Variants in ARHGAP29 observed in about 807,000 individuals in gnomAD.
The protein encoded by ARHGAP29 is rho GTPase-activating protein 29.
Under a neutral mutation model 122.6 loss-of-function variants are expected in ARHGAP29, and 43 were observed. That is an observed-to-expected ratio of 0.35 (90% CI 0.27 to 0.45). The LOEUF (loss-of-function observed/expected upper bound fraction) is 0.45. Among genes scored for constraint, ARHGAP29 ranks in the 20% least tolerant of loss-of-function variants. The pLI is 1.00. For missense variants in ARHGAP29, 1,303 were observed against 1,477.2 expected (o/e 0.88, Z 1.93); for synonymous variants, 506 against 497.1 (o/e 1.02, Z -0.24).
At chr1:94,262,632 G>A (rs1000094539) in intron 1 of ARHGAP29, among the ~76,000 whole-genome samples, 6 of 151,982 alleles carry the variant, frequency 3.9e-5, no homozygotes, top group Admixed American at 1.3e-4. Flanking sequence ...ACATGCAGCC[G>A]ATAAGTATAT....
rs774552297 is a variant in ARHGAP29, at chr1:94,267,205, C to A, written c.-33+7807G>T. On this transcript the variant is annotated intron_variant and NMD_transcript_variant, in intron 1 of 25. Coordinates refer to the ARHGAP29 transcript ENST00000552844. ...GGACTGTTAAAGTAGAAAACTGGGA[C>A]CTTATGGGGCCATCTTAGCTCCTCA... Among the ~76,000 whole-genome samples the A allele has an allele frequency of 1.9e-4, 29 of 152,168 alleles. 1 individual carries two copies. The highest frequency in any genetic ancestry group is 6.5e-5 in the Admixed American group (1 of 15,276).
the ARHGAP29 span, among the ~76,000 whole-genome samples, chr1:94,305,300 A>G: frequency 7.9e-5 from 12 of 152,188 alleles, no homozygotes; most frequent in Non-Finnish European, 1.3e-4. Context: ...TTGTGTGCCA[A>G]TCCTGAGTGG....
chr1:94,198,412 A>G (rs1203599209), intron 12 of ARHGAP29, among the ~76,000 whole-genome samples: 3 of 152,184 alleles, frequency 2.0e-5, no homozygotes, highest in African/African-American at 7.2e-5. Context: ...GTGAGGCTGC[A>G]GTGAGCTATG....
At chr1:94,196,250 G>GTTTTTCT (rs1650447536) in intron 12 of ARHGAP29, among the ~76,000 whole-genome samples, 1 of 39,094 alleles carries the variant, frequency 2.6e-5, no homozygotes, top group Admixed American at 3.7e-4. Flanking sequence ...ATTTTTCCGT[G>GTTTTTCT]TTTTTCTTTT....
chr1:94,188,765 T>C (rs1649959228), intron 15 of ARHGAP29, 72 bp downstream of exon 15: 8 of 1,206,686 alleles, frequency 6.6e-6, no homozygotes, highest in Non-Finnish European at 3.6e-6. Flanking sequence ...AAAAACAAGG[T>C]AGTTAAAAAA....
At chr1:94,209,374 T>C (rs763964283) in intron 3 of ARHGAP29, 24 bp from the exon 4 acceptor site, 1 of 1,483,394 alleles carries the variant, frequency 6.7e-7, no homozygotes, top group Non-Finnish European at 9.2e-7. Flanking sequence ...TTGGTTACAA[T>C]AAGGAAAAAC....
rs1244249424 is a variant in ARHGAP29, at chr1:94,188,898, A to G, written c.1620T>C (p.Asp540=). The G allele has an allele frequency of 9.9e-6, 16 of 1,613,250 alleles. No individual in the cohort carries two copies. The highest frequency in any genetic ancestry group is 1.3e-5 in the Non-Finnish European group (15 of 1,179,360). The change falls in exon 15 of 23, where the codon GAT becomes GAC. Residue 540 remains aspartate (D), a synonymous_variant. Coordinates refer to ENST00000260526, the MANE Select transcript of ARHGAP29 (RefSeq NM_004815.4). ...CGCTGCTCCCTCCAGTGCTCTCAGA[A>G]TCACTAAACATCCCAAATGTCCATG... ...IRSWTFGMFS[D]SESTGGSSES...
intron 1 of ARHGAP29, among the ~76,000 whole-genome samples, chr1:94,237,163 G>A (rs1021448043): frequency 5.3e-5 from 8 of 152,302 alleles, no homozygotes; most frequent in African/African-American, 1.7e-4. Context: ...CCCGGCCACC[G>A]CTGGCGTCCT....
chr1:94,180,341 A>C (rs1450414363), intron 19 of ARHGAP29, among the ~76,000 whole-genome samples: 2 of 152,238 alleles, frequency 1.3e-5, no homozygotes, highest in African/African-American at 4.8e-5. Flanking sequence ...AAATTAGTTA[A>C]AAAGGTGAAT....
chr1:94,292,350 C>T, the ARHGAP29 span, among the ~76,000 whole-genome samples: 2 of 152,174 alleles, frequency 1.3e-5, no homozygotes, highest in Non-Finnish European at 1.5e-5. Context: ...GTTAGCCATT[C>T]GTCTAACCTT....
chr1:94,225,040 A>C (rs1377193915), intron 2 of ARHGAP29, among the ~76,000 whole-genome samples: 1 of 152,212 alleles, frequency 6.6e-6, no homozygotes, highest in Non-Finnish European at 1.5e-5. Flanking sequence ...ACAAAGGTTC[A>C]TAAACTTTTC....
chr1:94,211,305 A>ACAAAAAC (rs1553208388), intron 3 of ARHGAP29, among the ~76,000 whole-genome samples: 10 of 144,634 alleles, frequency 6.9e-5, no homozygotes, highest in South Asian at 2.2e-4. Context: ...AAAAAAAAAA[A>ACAAAAAC]AAAAAAAAGG....
intron 3 of ARHGAP29, among the ~76,000 whole-genome samples, chr1:94,211,560 A>G (rs535098505): frequency 6.6e-6 from 1 of 152,166 alleles, no homozygotes; most frequent in Admixed American, 6.5e-5. Flanking sequence ...GTTCTTTTCA[A>G]ATGCACACTG....
intron 12 of ARHGAP29, among the ~76,000 whole-genome samples, chr1:94,200,006 A>ATATC (rs1338385551): frequency 6.6e-6 from 1 of 152,192 alleles, no homozygotes; most frequent in Non-Finnish European, 1.5e-5. Flanking sequence ...AACGGATCAT[A>ATATC]TATCTATATG....
At chr1:94,240,537 T>C (rs1653535129), upstream of ARHGAP29, among the ~76,000 whole-genome samples, 1 of 152,202 alleles carries the variant, frequency 6.6e-6, no homozygotes, top group Non-Finnish European at 1.5e-5. Flanking sequence ...TATAATAAAA[T>C]TGTAGTGTTC....
intron 1 of ARHGAP29, among the ~76,000 whole-genome samples, chr1:94,265,049 T>C (rs952954654): frequency 6.6e-6 from 1 of 151,860 alleles, no homozygotes; most frequent in Non-Finnish European, 1.5e-5. Context: ...ATGAAAGGAG[T>C]GTATTAATTA....
chr1:94,202,092 A>G, intron 11 of ARHGAP29: 2 of 447,808 alleles, frequency 4.5e-6, no homozygotes, highest in South Asian at 4.0e-5. Context: ...TCTATTTGAA[A>G]TAGCATTTTA....
rs1648778969 is a variant in ARHGAP29, at chr1:94,172,230, C to A, written c.*1639G>T. 6.6e-6 allele frequency: 1 copy of A among 152,036 alleles called. No homozygotes were observed. The allele number at this position is 152,036 out of a possible 1,614,324, so 9.4% of individuals were successfully genotyped here. On this transcript the variant is annotated 3_prime_UTR_variant, in exon 23 of 23. Coordinates refer to ENST00000260526, the MANE Select transcript of ARHGAP29 (RefSeq NM_004815.4). ...CAGAAATAATAACATGCTTACCCAC[C>A]CATTATAGGTTGCTGTGAACTTGAA...
the ARHGAP29 span, among the ~76,000 whole-genome samples, chr1:94,298,863 A>G: frequency 6.6e-6 from 1 of 152,374 alleles, no homozygotes; most frequent in Admixed American, 6.5e-5. Context: ...ATAATAAACT[A>G]TAAACACAAT....
Sources: gnomAD v4.1 joint callset for allele counts (sites outside exome capture counted in the v4.1 genomes callset) on GRCh38, gnomAD v4.1.1 for gene constraint, MANE v1.5 for transcripts, NCBI Gene and HGNC (gene_info 2026-07-23, HGNC 2026-07-21) for gene names.